FYTTD1: variants seen among roughly 807,000 people sequenced by gnomAD.
FYTTD1 encodes the protein forty-two-three domain containing 1.
In FYTTD1, 22 loss-of-function variants were observed where a neutral mutation model predicts 40.9. The ratio of observed to expected loss-of-function variants is 0.54; its 90% CI spans 0.38 to 0.77. The LOEUF is 0.77. Among genes scored for constraint, FYTTD1 ranks in the 30% least tolerant of loss-of-function variants. The probability of loss-of-function intolerance (pLI) is 0.00; values close to 1 mark genes in which losing one functional copy is unlikely to be tolerated. For missense variants in FYTTD1, 351 were observed against 392.2 expected, an observed-to-expected ratio of 0.90 and a Z score of 0.89; for synonymous variants, 140 against 137.9, an observed-to-expected ratio of 1.01 and a Z score of -0.10.
At chr3:197,764,689 A>G (rs1729487894) in intron 2 of FYTTD1, among the ~76,000 whole-genome samples, 1 of 129,124 alleles carries the variant, frequency 7.7e-6, no homozygotes. Flanking sequence ...AGCCCGGGTG[A>G]CAGAGCGAGA....
At chr3:197,777,252 A>G (rs1729903349) in intron 7 of FYTTD1, among the ~76,000 whole-genome samples, 1 of 152,194 alleles carries the variant, frequency 6.6e-6, no homozygotes, top group Non-Finnish European at 1.5e-5. Context: ...ATGTGCATGT[A>G]TACTCTGTGT....
At chr3:197,758,860 A>C (rs539542853) in intron 2 of FYTTD1, among the ~76,000 whole-genome samples, 1 of 152,266 alleles carries the variant, frequency 6.6e-6, no homozygotes, top group Non-Finnish European at 1.5e-5. Context: ...TAAGTAGGAC[A>C]GAGGAGCTCT....
At chr3:197,754,569 CTG>C (rs1729156669) in intron 1 of FYTTD1, among the ~76,000 whole-genome samples, 1 of 151,216 alleles carries the variant, frequency 6.6e-6, no homozygotes, top group Admixed American at 6.6e-5. Flanking sequence ...AATTTGTTGA[CTG>C]TATGCAATTT....
Position 197,776,830 on chromosome 3 carries a change from A to C in FYTTD1, c.657-97A>C. 3.9e-6 allele frequency: 3 copies of C among 778,622 alleles called. No homozygotes were observed. The South Asian group carries it at 5.3e-5, about 14-fold the overall frequency. 48.2% of individuals were successfully genotyped at this position (778,622 alleles called of 1,614,324 possible). The stretch of plus-strand genomic sequence containing the variant: ...TACTTATTTCTTACAAGCTAAGAAA[A>C]AGTAATGGCTACTTTTAATGTTCAT... On this transcript the variant is annotated intron_variant, in intron 6 of 8. Coordinates refer to ENST00000241502, the MANE Select transcript of FYTTD1 (RefSeq NM_032288.7).
chr3:197,751,598 C>T (rs926771383), intron 1 of FYTTD1, among the ~76,000 whole-genome samples: 4 of 152,182 alleles, frequency 2.6e-5, no homozygotes, highest in Non-Finnish European at 4.4e-5. Context: ...CGCCACTGCA[C>T]TCCAGCCTGG....
chr3:197,767,733 G>A (rs1006380577), intron 2 of FYTTD1, among the ~76,000 whole-genome samples: 68 of 152,286 alleles, frequency 4.5e-4, no homozygotes, highest in African/African-American at 1.5e-3. Context: ...GATTACAGGC[G>A]TGAGCCACTG....
At chr3:197,750,533 G>A in intron 1 of FYTTD1, 1 of 985,812 alleles carries the variant, frequency 1.0e-6, no homozygotes, top group Non-Finnish European at 1.2e-6. Flanking sequence ...AGCCCGGCCG[G>A]GGCTGCGGTC....
In FYTTD1 at chr3:197,784,596, A is replaced by G. The variant is rs1349695420; in HGVS notation, c.*2687A>G. Reference sequence around the variant, plus strand: ...GGATCATGAGGCCAGGAGCAAGACCAGCCTGGCTAACATAGGGAGACTCTA... The same window carrying G: ...GGATCATGAGGCCAGGAGCAAGACCGGCCTGGCTAACATAGGGAGACTCTA... On this transcript the variant is annotated 3_prime_UTR_variant, in exon 9 of 9. Coordinates refer to ENST00000241502, the MANE Select transcript of FYTTD1 (RefSeq NM_032288.7). 3.3e-5 allele frequency: 5 copies of G among 152,238 alleles called. No homozygotes were observed. The highest frequency in any genetic ancestry group is 1.9e-4 in the East Asian group (1 of 5,202). The allele number at this position is 152,238 out of a possible 1,614,324, so 9.4% of individuals were successfully genotyped here.
At chr3:197,763,478 T>TG in intron 2 of FYTTD1, 1 of 429,694 alleles carries the variant, frequency 2.3e-6, no homozygotes, top group Non-Finnish European at 4.6e-6. Flanking sequence ...ACAAAAACTT[T>TG]GGAGTCCTCA....
intron 1 of FYTTD1, chr3:197,755,743 C>T: frequency 6.7e-7 from 1 of 1,494,582 alleles, no homozygotes; most frequent in South Asian, 1.2e-5. Flanking sequence ...CCACCTCAGC[C>T]TCCCAAAGTG....
At chr3:197,769,997 T>G in intron 3 of FYTTD1, 135 bp from the exon 4 acceptor site, 2 of 619,454 alleles carry the variant, frequency 3.2e-6, no homozygotes, top group East Asian at 5.6e-5. Context: ...TTTCAAGTTG[T>G]TTGTTTCTCC....
intron 6 of FYTTD1, among the ~76,000 whole-genome samples, chr3:197,774,904 A>T (rs551811742): frequency 9.9e-5 from 15 of 152,266 alleles, no homozygotes; most frequent in African/African-American, 3.6e-4. Flanking sequence ...CTCCAAAAAA[A>T]TTTTTAAACA....
Position 197,787,488 on chromosome 3 carries a change from T to C in FYTTD1, c.*5579T>C, listed in dbSNP as rs377395405. Reference sequence around the variant, plus strand: ...GGGAGGACATAACCTTTGCATGATATAGTGAAATGCAGAGCTGGAAAGAAC... The same window carrying C: ...GGGAGGACATAACCTTTGCATGATACAGTGAAATGCAGAGCTGGAAAGAAC... On this transcript the variant is annotated 3_prime_UTR_variant, in exon 9 of 9. Transcript: ENST00000241502. The C allele has an allele frequency of 2.0e-5, 3 of 152,210 alleles. No homozygotes were observed. The highest frequency in any genetic ancestry group is 4.4e-5 in the Non-Finnish European group (3 of 68,052). 9.4% of individuals were successfully genotyped at this position (152,210 alleles called of 1,614,324 possible). A position where few individuals can be genotyped will look rare whatever the true frequency, so the allele number is the denominator to read the frequency against.
intron 1 of FYTTD1, chr3:197,755,613 T>C (rs909130324): frequency 7.2e-6 from 1 of 138,420 alleles, no homozygotes; most frequent in African/African-American, 5.8e-5. Context: ...ACCCGGCTAA[T>C]TTATTTATTT....
chr3:197,755,502 G>C (rs891979304), intron 1 of FYTTD1, among the ~76,000 whole-genome samples: 6 of 150,576 alleles, frequency 4.0e-5, no homozygotes, highest in African/African-American at 1.5e-4. Flanking sequence ...CTGGAGTGCA[G>C]TGGTGCGATC....
intron 2 of FYTTD1, 31 bp downstream of exon 2, chr3:197,756,588 G>A: frequency 6.3e-7 from 1 of 1,596,256 alleles, no homozygotes; most frequent in Middle Eastern, 1.7e-4. Flanking sequence ...TTAATGGAAA[G>A]CTGTTATTTG....
rs1355527671 is a variant in FYTTD1 at position 197,776,995 on chromosome 3, G to A, written c.725G>A (p.Cys242Tyr). 1.9e-6 allele frequency: 3 copies of A among 1,600,352 alleles called. No homozygotes were observed. Among genetic ancestry groups the A allele is most frequent in the South Asian group, 2.2e-5 (2 of 89,470 alleles). Reference sequence around the variant, plus strand: ...ATTGACAATCCTGGAGCAGTGCAATGCCCAGTGTAAGTTGTTTCTTTCTTT... The same window carrying A: ...ATTGACAATCCTGGAGCAGTGCAATACCCAGTGTAAGTTGTTTCTTTCTTT... Reference protein sequence around the residue: ...VSIDNPGAVQCPVTQKPRLTR... With the variant: ...VSIDNPGAVQYPVTQKPRLTR... The change falls in exon 7 of 9, where the codon TGC (cysteine) becomes TAC (tyrosine). Residue 242 changes from cysteine (C) to tyrosine (Y), a missense_variant. Cys to Tyr is a radical substitution (Grantham distance 194, BLOSUM62 -2). Transcript: ENST00000241502.
chr3:197,775,848 T>C (rs1729860144), intron 6 of FYTTD1, among the ~76,000 whole-genome samples: 2 of 152,276 alleles, frequency 1.3e-5, no homozygotes, highest in Admixed American at 1.3e-4. Flanking sequence ...TGTGATCATA[T>C]AAATGTTATT....
At chr3:197,752,502 A>G (rs1463338659) in intron 1 of FYTTD1, among the ~76,000 whole-genome samples, 1 of 152,050 alleles carries the variant, frequency 6.6e-6, no homozygotes, top group Non-Finnish European at 1.5e-5. Context: ...ATTTTTATAC[A>G]TACACTATAT....
Sources: gnomAD v4.1 joint callset for allele counts (sites outside exome capture counted in the v4.1 genomes callset) on GRCh38, gnomAD v4.1.1 for gene constraint, MANE v1.5 for transcripts, NCBI Gene and HGNC (gene_info 2026-07-23, HGNC 2026-07-21) for gene names.